Variants in RFX3 observed in about 807,000 individuals in gnomAD.
RFX3 encodes the protein transcription factor RFX3.
Under a neutral mutation model 98.6 loss-of-function variants are expected in RFX3, and 14 were observed. The ratio of observed to expected loss-of-function variants is 0.14; its 90% confidence interval spans 0.09 to 0.22. The LOEUF is 0.22. RFX3 is among the 10% of genes least tolerant of loss of function. The pLI, the probability that RFX3 is intolerant of heterozygous loss-of-function variation, is 1.00. For missense variants in RFX3, 639 were observed against 926.9 expected, an observed-to-expected ratio of 0.69 and a Z score of 4.03; for synonymous variants, 383 against 328.4, an observed-to-expected ratio of 1.17 and a Z score of -1.80.
At chr9:3,432,585 C>G (rs542728130) in intron 1 of RFX3, among the ~76,000 whole-genome samples, 3 of 151,706 alleles carry the variant, frequency 2.0e-5, no homozygotes, top group African/African-American at 7.2e-5. Context: ...GTAGATGTGG[C>G]CAAAAAAAAG....
At chr9:3,352,472 A>G (rs774387464) in intron 2 of RFX3, among the ~76,000 whole-genome samples, 2 of 152,020 alleles carry the variant, frequency 1.3e-5, no homozygotes, top group Admixed American at 6.6e-5. Context: ...TTACATACAT[A>G]TTAAAATCAT....
intron 2 of RFX3, chr9:3,364,883 T>C (rs545499829): frequency 1.0e-3 from 152 of 152,338 alleles, no homozygotes; most frequent in African/African-American, 3.5e-3. Flanking sequence ...TTTTACTATA[T>C]TCAGTTTTAT....
chr9:3,384,108 C>G (rs1039560576), intron 2 of RFX3, among the ~76,000 whole-genome samples: 4 of 152,094 alleles, frequency 2.6e-5, no homozygotes, highest in Non-Finnish European at 5.9e-5. Flanking sequence ...CCTAGAGGTT[C>G]CACAAAGGCA....
At chr9:3,504,972 AT>A (rs1273474508) in intron 1 of RFX3, among the ~76,000 whole-genome samples, 1 of 66,268 alleles carries the variant, frequency 1.5e-5, no homozygotes, top group African/African-American at 8.5e-5. Flanking sequence ...TATAATATAT[AT>A]TATATAATAT....
chr9:3,425,542 C>T (rs1309835856), intron 1 of RFX3, among the ~76,000 whole-genome samples: 1 of 152,174 alleles, frequency 6.6e-6, no homozygotes, highest in Non-Finnish European at 1.5e-5. Flanking sequence ...ACAAAGTTAG[C>T]TGCTTCTTCC....
rs556400811 is a variant in RFX3 at position 3,415,843 on chromosome 9, A to G, written c.-8-20247T>C. On this transcript the variant is annotated intron_variant, in intron 1 of 16. Coordinates refer to ENST00000617270, the MANE Select transcript of RFX3 (RefSeq NM_001282116.2). ...ACACCACATCAGTGCTGACCCCTCAATCTCTCTATCAATTCCTAGAAGGTG... is the reference window on the plus strand; with the variant it reads ...ACACCACATCAGTGCTGACCCCTCAGTCTCTCTATCAATTCCTAGAAGGTG... 5.2e-4 allele frequency among the ~76,000 whole-genome samples: 79 copies of G among 152,204 alleles called. 1 individual carries two copies. Among genetic ancestry groups the G allele is most frequent in the Admixed American group, 2.7e-3 (41 of 15,278 alleles).
intron 2 of RFX3, among the ~76,000 whole-genome samples, chr9:3,372,530 T>G (rs900115299): frequency 6.6e-6 from 1 of 151,460 alleles, no homozygotes; most frequent in Non-Finnish European, 1.5e-5. Flanking sequence ...GCCATCTTTT[T>G]TTTCTTTCTT....
At chr9:3,331,037 C>T (rs1366537856) in intron 3 of RFX3, among the ~76,000 whole-genome samples, 1 of 152,168 alleles carries the variant, frequency 6.6e-6, no homozygotes, top group African/African-American at 2.4e-5. Context: ...AAATAGTTTA[C>T]TCACCCTGGA....
intron 4 of RFX3, among the ~76,000 whole-genome samples, chr9:3,303,970 C>A (rs961592164): frequency 2.6e-5 from 4 of 151,792 alleles, no homozygotes; most frequent in African/African-American, 9.7e-5. Flanking sequence ...AGGCCTGTGC[C>A]GAATTTGTGT....
At chr9:3,260,641 G>C (rs1485531665) in intron 13 of RFX3, among the ~76,000 whole-genome samples, 1 of 151,450 alleles carries the variant, frequency 6.6e-6, no homozygotes, top group Admixed American at 6.6e-5. Flanking sequence ...AAAAAGATTT[G>C]AAATAAATAT....
At chr9:3,368,681 A>G (rs1837483701) in intron 2 of RFX3, among the ~76,000 whole-genome samples, 1 of 152,174 alleles carries the variant, frequency 6.6e-6, no homozygotes. Context: ...TTGCTGTAAC[A>G]AGTTTCAGTC....
chr9:3,481,826 A>G (rs1185619261), intron 1 of RFX3, among the ~76,000 whole-genome samples: 1 of 152,014 alleles, frequency 6.6e-6, no homozygotes, highest in Non-Finnish European at 1.5e-5. Flanking sequence ...AAGAAATGCA[A>G]ATTCAAATAG....
intron 14 of RFX3, among the ~76,000 whole-genome samples, chr9:3,250,403 T>C (rs1416429917): frequency 6.6e-6 from 1 of 151,862 alleles, no homozygotes; most frequent in Non-Finnish European, 1.5e-5. Context: ...ATTAAAGAAA[T>C]GAAAATTAAA....
intron 1 of RFX3, among the ~76,000 whole-genome samples, chr9:3,500,793 C>T (rs766505986): frequency 3.0e-4 from 45 of 152,110 alleles, no homozygotes; most frequent in Admixed American, 2.6e-3. Context: ...TCACAAGGCA[C>T]GTGTTAGGCA....
At chr9:3,495,611 CTG>C (rs1327268445) in intron 1 of RFX3, among the ~76,000 whole-genome samples, 3 of 152,054 alleles carry the variant, frequency 2.0e-5, no homozygotes, top group Admixed American at 2.0e-4. Flanking sequence ...AGTTGAAAGA[CTG>C]TATCTGCGTA....
chr9:3,518,047 T>C (rs933987265), intron 1 of RFX3, among the ~76,000 whole-genome samples: 5 of 152,208 alleles, frequency 3.3e-5, no homozygotes, highest in African/African-American at 1.2e-4. Flanking sequence ...TATCTCTGAG[T>C]TACAAGTGCC....
intron 4 of RFX3, among the ~76,000 whole-genome samples, chr9:3,303,889 T>C (rs999412005): frequency 6.6e-6 from 1 of 152,048 alleles, no homozygotes; most frequent in African/African-American, 2.4e-5. Context: ...TTCTTCTTTG[T>C]GTCACTTTGT....
At chr9:3,295,255 G>GA (rs34861357) in intron 5 of RFX3, among the ~76,000 whole-genome samples, 1 of 151,604 alleles carries the variant, frequency 6.6e-6, no homozygotes, top group Non-Finnish European at 1.5e-5. Context: ...ATAGCTGAGG[G>GA]AGACTACACA....
intron 1 of RFX3, among the ~76,000 whole-genome samples, chr9:3,454,889 A>C (rs1416933716): frequency 2.0e-5 from 3 of 152,232 alleles, no homozygotes; most frequent in Admixed American, 2.0e-4. Flanking sequence ...ACACAAGGCC[A>C]CTAAGCTACG....
Sources: allele counts gnomAD v4.1 joint callset (sites outside exome capture counted in the v4.1 genomes callset), GRCh38; gene constraint gnomAD v4.1.1; transcripts MANE v1.5; gene names NCBI Gene and HGNC (gene_info 2026-07-23, HGNC 2026-07-21).